GRM7: variants seen among roughly 807,000 people sequenced by gnomAD.
GRM7 encodes glutamate metabotropic receptor 7, also known as metabotropic glutamate receptor 7.
A neutral mutation model predicts 84.5 loss-of-function variants in GRM7; 35 were observed. The ratio of observed to expected loss-of-function variants is 0.41; its 90% confidence interval spans 0.32 to 0.55. The LOEUF is 0.55. Among genes scored for constraint, GRM7 ranks in the 20% least tolerant of loss-of-function variants. GRM7 has a pLI of 0.19. For synonymous variants in GRM7, 487 were observed against 455.1 expected, an observed-to-expected ratio of 1.07 and a Z score of -0.89; for missense variants, 1,003 against 1,194.6, an observed-to-expected ratio of 0.84 and a Z score of 2.36.
chr3:7,566,860 G>C (rs1360649109), intron 7 of GRM7, among the ~76,000 whole-genome samples: 1 of 152,134 alleles, frequency 6.6e-6, no homozygotes, highest in African/African-American at 2.4e-5. Context: ...TAGGGGTATA[G>C]AAAGGTTTCG....
At chr3:7,253,436 G>A (rs138265458) in intron 2 of GRM7, among the ~76,000 whole-genome samples, 4,945 of 151,836 alleles carry the variant, frequency 0.033, 266 homozygotes, top group African/African-American at 0.11. Context: ...CCAATATGGT[G>A]AAACCCCGTC....
At chr3:7,054,419 T>C (rs186006103) in intron 1 of GRM7, among the ~76,000 whole-genome samples, 109 of 151,052 alleles carry the variant, frequency 7.2e-4, no homozygotes, top group African/African-American at 2.2e-3. Context: ...TTAAAATGGC[T>C]ATATATGTAT....
intron 1 of GRM7, among the ~76,000 whole-genome samples, chr3:6,991,247 A>G (rs895761255): frequency 3.3e-5 from 5 of 152,180 alleles, no homozygotes; most frequent in African/African-American, 1.2e-4. Flanking sequence ...GAATGAACCT[A>G]TGAATGAGAC....
At chr3:7,080,149 T>C (rs17046763) in intron 1 of GRM7, among the ~76,000 whole-genome samples, 2,128 of 152,174 alleles carry the variant, frequency 0.014, 44 homozygotes, top group African/African-American at 0.049. Flanking sequence ...CTCTCCGAAC[T>C]GTCTTTCCCC....
In GRM7 at chr3:6,942,197, G is replaced by C. The variant is rs1697917303; in HGVS notation, c.519+80290G>C. Among the ~76,000 whole-genome samples the C allele has an allele frequency of 2.7e-5, 4 of 150,086 alleles. No homozygotes were observed. The South Asian group carries it at 8.4e-4, about 32-fold the overall frequency. ...CCCCTTCTCTGTAAGTATGGATTTT[G>C]TTTTTGTAAAGTGGCAATACTGCCA... On this transcript the variant is annotated intron_variant, in intron 1 of 9. Transcript: ENST00000357716.
At chr3:7,226,677 A>C (rs1696993559) in intron 2 of GRM7, among the ~76,000 whole-genome samples, 1 of 152,158 alleles carries the variant, frequency 6.6e-6, no homozygotes, top group South Asian at 2.1e-4. Context: ...GAAGATAAGG[A>C]GAAAAGTCTG....
intron 4 of GRM7, among the ~76,000 whole-genome samples, chr3:7,356,920 T>TCACACACA (rs34481316): frequency 0.064 from 8,366 of 131,148 alleles, 373 homozygotes; most frequent in African/African-American, 0.12. Context: ...GCCTTTTTGA[T>TCACACACA]CACACACACA....
At chr3:7,052,884 C>A (rs1336894208) in intron 1 of GRM7, among the ~76,000 whole-genome samples, 1 of 151,210 alleles carries the variant, frequency 6.6e-6, no homozygotes, top group East Asian at 1.9e-4. Context: ...TAGACATATG[C>A]CTTAAATTTC....
intron 1 of GRM7, among the ~76,000 whole-genome samples, chr3:6,932,558 G>C (rs1697540497): frequency 6.6e-6 from 1 of 152,066 alleles, no homozygotes; most frequent in African/African-American, 2.4e-5. Context: ...ATCATTACTA[G>C]TCTAGCAAGG....
chr3:7,199,660 C>T (rs1268728982), intron 2 of GRM7, among the ~76,000 whole-genome samples: 1 of 152,092 alleles, frequency 6.6e-6, no homozygotes, highest in Non-Finnish European at 1.5e-5. Flanking sequence ...TGGGAGAGGC[C>T]AGGGATATTA....
At chr3:6,997,578 T>A (rs2124869490) in intron 1 of GRM7, among the ~76,000 whole-genome samples, 1 of 152,252 alleles carries the variant, frequency 6.6e-6, no homozygotes, top group Admixed American at 6.5e-5. Context: ...TTCAATTACC[T>A]CCCACCTAGT....
At chr3:7,702,412 C>A (rs1701258606) in intron 9 of GRM7, among the ~76,000 whole-genome samples, 1 of 152,172 alleles carries the variant, frequency 6.6e-6, no homozygotes, top group Admixed American at 6.5e-5. Context: ...CTATGTACAA[C>A]CTTTGCCATG....
intron 1 of GRM7, among the ~76,000 whole-genome samples, chr3:7,094,887 C>T (rs1191874873): frequency 1.3e-5 from 2 of 151,936 alleles, no homozygotes; most frequent in African/African-American, 2.4e-5. Context: ...AAGGACACTT[C>T]ACTAATACAT....
intron 7 of GRM7, among the ~76,000 whole-genome samples, chr3:7,485,197 C>T (rs1699275056): frequency 6.6e-6 from 1 of 152,128 alleles, no homozygotes; most frequent in South Asian, 2.1e-4. Context: ...TTTTTAATCT[C>T]CAGAAAATGA....
intron 1 of GRM7, among the ~76,000 whole-genome samples, chr3:6,950,125 G>A (rs1692676598): frequency 6.6e-6 from 1 of 152,128 alleles, no homozygotes; most frequent in South Asian, 2.1e-4. Context: ...GAGGAGGAGA[G>A]GCACTCTGAT....
intron 8 of GRM7, among the ~76,000 whole-genome samples, chr3:7,670,692 AC>A (rs1271384478): frequency 9.2e-6 from 1 of 109,154 alleles, no homozygotes; most frequent in African/African-American, 3.6e-5. Flanking sequence ...TGGATATTTC[AC>A]ATCTTTAGAA....
At chr3:7,364,302 G>A (rs1207998664) in intron 4 of GRM7, among the ~76,000 whole-genome samples, 2 of 151,630 alleles carry the variant, frequency 1.3e-5, no homozygotes, top group African/African-American at 4.8e-5. Flanking sequence ...TCTTAAATTT[G>A]ATTTTGTTTT....
At position 7,594,938 on chromosome 3, in the gene GRM7, C is replaced by CTGTGTGTGTG. The variant is rs3840238; in HGVS notation, c.2451+15595_2451+15604dup. ...GCCTTCTATTCCCTAGTCTTCCTTTCTGTGTGTGTGTGTGTGTGTGTGTTT... is the reference window on the plus strand; with the variant it reads ...GCCTTCTATTCCCTAGTCTTCCTTTCTGTGTGTGTGTGTGTGTGTGTGTGTGTGTGTGTTT... On this transcript the variant is annotated intron_variant, in intron 8 of 9. Coordinates refer to ENST00000357716, the MANE Select transcript of GRM7 (RefSeq NM_000844.4). 3.3e-5 allele frequency among the ~76,000 whole-genome samples: 5 copies of CTGTGTGTGTG among 150,120 alleles called. No individual in the cohort carries two copies. In the South Asian group the frequency reaches 8.4e-4, roughly 25 times the overall value.
chr3:7,203,870 A>G (rs1172165326), intron 2 of GRM7, among the ~76,000 whole-genome samples: 1 of 152,158 alleles, frequency 6.6e-6, no homozygotes, highest in Non-Finnish European at 1.5e-5. Flanking sequence ...TAGATATTTG[A>G]TGTTAGATTG....
Sources: allele counts gnomAD v4.1 joint callset (sites outside exome capture counted in the v4.1 genomes callset), GRCh38; gene constraint gnomAD v4.1.1; transcripts MANE v1.5; gene names NCBI Gene and HGNC (gene_info 2026-07-23, HGNC 2026-07-21).